The following ASTN2 variants were observed in gnomAD, a reference collection of about 807,000 sequenced individuals.
ASTN2 encodes astrotactin-2.
A neutral mutation model predicts 139.8 loss-of-function variants in ASTN2; 54 were observed. The ratio of observed to expected loss-of-function variants is 0.39; its 90% CI spans 0.31 to 0.48. ASTN2 has a LOEUF of 0.48. Among genes scored for constraint, ASTN2 ranks in the 20% least tolerant of loss-of-function variants. ASTN2 has a pLI of 0.95. For missense variants in ASTN2, 1,565 were observed against 1,725.1 expected (o/e 0.91, Z 1.64); for synonymous variants, 756 against 719.5 (o/e 1.05, Z -0.81).
chr9:117,006,100 C>A (rs566330484), intron 7 of ASTN2, among the ~76,000 whole-genome samples: 1 of 152,170 alleles, frequency 6.6e-6, no homozygotes, highest in Admixed American at 6.5e-5. Context: ...TCTTAGGGTG[C>A]CCACCAGGTA....
chr9:116,454,573 T>C (rs1848270025), intron 20 of ASTN2, among the ~76,000 whole-genome samples: 1 of 152,168 alleles, frequency 6.6e-6, no homozygotes, highest in South Asian at 2.1e-4. Flanking sequence ...ATCATGCTGC[T>C]ATAAAGGCAC....
chr9:116,975,485 T>C (rs556235912), intron 9 of ASTN2, 140 bp from the exon 10 acceptor site: 3 of 813,612 alleles, frequency 3.7e-6, no homozygotes, highest in African/African-American at 3.5e-5. Context: ...GGAACAATGT[T>C]GGCCAACTTT....
At chr9:117,329,913 T>G (rs1828646789) in intron 1 of ASTN2, among the ~76,000 whole-genome samples, 1 of 152,174 alleles carries the variant, frequency 6.6e-6, no homozygotes. Context: ...CACTCTCCCT[T>G]TTAATTCTCA....
intron 4 of ASTN2, among the ~76,000 whole-genome samples, chr9:117,129,626 T>G (rs1311012904): frequency 2.6e-5 from 4 of 152,314 alleles, no homozygotes; most frequent in South Asian, 2.1e-4. Context: ...GTTTCTCTAC[T>G]TGGTCTAATA....
chr9:117,371,993 C>T (rs1039590951), intron 1 of ASTN2, among the ~76,000 whole-genome samples: 1 of 152,144 alleles, frequency 6.6e-6, no homozygotes, highest in Admixed American at 6.6e-5. Context: ...AAAGGAGCTT[C>T]CCTTCTCTCA....
chr9:116,735,886 G>C (rs1475660730), intron 13 of ASTN2, among the ~76,000 whole-genome samples: 1 of 152,158 alleles, frequency 6.6e-6, no homozygotes, highest in East Asian at 1.9e-4. Flanking sequence ...TGTAAAATGG[G>C]GATCATAACA....
chr9:116,722,201 C>T (rs180753366), intron 16 of ASTN2, among the ~76,000 whole-genome samples: 11 of 152,246 alleles, frequency 7.2e-5, no homozygotes, highest in Non-Finnish European at 1.0e-4. Flanking sequence ...TAATGAACAA[C>T]GTAGGAACAG....
At chr9:117,104,214 C>T (rs1829049231) in intron 4 of ASTN2, among the ~76,000 whole-genome samples, 1 of 152,024 alleles carries the variant, frequency 6.6e-6, no homozygotes, top group Admixed American at 6.6e-5. Context: ...ATAGCTAAAC[C>T]TGATTGTTTA....
chr9:117,160,239 A>G (rs1034904203), intron 3 of ASTN2, among the ~76,000 whole-genome samples: 1 of 152,042 alleles, frequency 6.6e-6, no homozygotes, highest in Non-Finnish European at 1.5e-5. Flanking sequence ...AAGTTTCTAC[A>G]ACACCATGAA....
intron 19 of ASTN2, among the ~76,000 whole-genome samples, chr9:116,499,038 A>T (rs969710651): frequency 6.6e-6 from 1 of 152,112 alleles, no homozygotes; most frequent in African/African-American, 2.4e-5. Context: ...TCTCAGCTGA[A>T]GTTCCATCCC....
intron 16 of ASTN2, among the ~76,000 whole-genome samples, chr9:116,653,621 G>C (rs1270101430): frequency 6.6e-6 from 1 of 152,224 alleles, no homozygotes; most frequent in Admixed American, 6.5e-5. Context: ...GTCAAGGCAA[G>C]CTCCTGCCTC....
chr9:117,300,200 A>C lies in ASTN2; in HGVS notation c.443-8687T>G, dbSNP rs147315285. Among the ~76,000 whole-genome samples, 4 of 152,348 alleles carry C rather than the reference A, an allele frequency of 2.6e-5. No individual in the cohort carries two copies. In the East Asian group the frequency reaches 5.8e-4, roughly 22 times the overall value. Reference sequence around the variant, plus strand: ...CTAGGTCCTAAGGATAGATTGGAGGAAAAGATCAATTTGACTACTATCCTC... The same window carrying C: ...CTAGGTCCTAAGGATAGATTGGAGGCAAAGATCAATTTGACTACTATCCTC... On this transcript the variant is annotated intron_variant, in intron 1 of 22. Transcript: ENST00000313400.
At chr9:116,680,455 A>G (rs1414215543) in intron 16 of ASTN2, among the ~76,000 whole-genome samples, 1 of 152,178 alleles carries the variant, frequency 6.6e-6, no homozygotes, top group Non-Finnish European at 1.5e-5. Context: ...ACAAGGAGGA[A>G]CTGGTATCAT....
At chr9:117,403,787 A>G (rs58558680) in intron 1 of ASTN2, among the ~76,000 whole-genome samples, 29,217 of 152,006 alleles carry the variant, frequency 0.19, 3,179 homozygotes, top group East Asian at 0.39. Flanking sequence ...CCTTAGACTC[A>G]GTCTCTAAGA....
chr9:116,860,119 C>A (rs1832839181), intron 11 of ASTN2, among the ~76,000 whole-genome samples: 1 of 152,162 alleles, frequency 6.6e-6, no homozygotes, highest in Non-Finnish European at 1.5e-5. Context: ...AGTGATGGCC[C>A]AGCATCAAAC....
At chr9:117,307,454 C>G (rs114606617) in intron 1 of ASTN2, among the ~76,000 whole-genome samples, 73 of 152,330 alleles carry the variant, frequency 4.8e-4, no homozygotes, top group African/African-American at 1.5e-3. Flanking sequence ...CCATGACACA[C>G]GTAAACTTGC....
At chr9:116,783,289 CCTTCCTT>C (rs1384626770) in intron 13 of ASTN2, among the ~76,000 whole-genome samples, 24 of 87,184 alleles carry the variant, frequency 2.8e-4, no homozygotes, top group African/African-American at 9.6e-4. Flanking sequence ...TTCCTTCCTT[CCTTCCTT>C]CCTCCCTCCC....
intron 13 of ASTN2, among the ~76,000 whole-genome samples, chr9:116,762,454 T>C (rs1206631257): frequency 6.6e-6 from 1 of 152,234 alleles, no homozygotes; most frequent in Non-Finnish European, 1.5e-5. Context: ...AGTAGGTGGA[T>C]GTGGACTCTT....
At chr9:117,328,499 C>T (rs957496863) in intron 1 of ASTN2, among the ~76,000 whole-genome samples, 4 of 152,158 alleles carry the variant, frequency 2.6e-5, no homozygotes, top group African/African-American at 7.2e-5. Context: ...TGAATGATCC[C>T]TTCTGTGTCC....
Sources: allele counts gnomAD v4.1 joint callset (sites outside exome capture counted in the v4.1 genomes callset), GRCh38; gene constraint gnomAD v4.1.1; transcripts MANE v1.5; gene names NCBI Gene and HGNC (gene_info 2026-07-23, HGNC 2026-07-21).